The following FBXW7 variants were observed in gnomAD, a reference collection of about 807,000 sequenced individuals.
FBXW7 encodes F-box/WD repeat-containing protein 7.
A neutral mutation model predicts 86.3 loss-of-function variants in FBXW7; 11 were observed. The observed-to-expected ratio is 0.13, with a 90% CI of 0.08 to 0.21. The LOEUF (loss-of-function observed/expected upper bound fraction) is 0.21, where lower values mean the gene tolerates loss of function less well. FBXW7 is among the 10% of genes least tolerant of loss of function. The pLI, the probability that FBXW7 is intolerant of heterozygous loss-of-function variation, is 1.00. For synonymous variants in FBXW7, 313 were observed against 297.9 expected (o/e 1.05, Z -0.52); for missense variants, 488 against 847.4 (o/e 0.58, Z 5.27).
chr4:152,527,828 T>C (rs76542093), intron 2 of FBXW7, among the ~76,000 whole-genome samples: 27 of 151,254 alleles, frequency 1.8e-4, no homozygotes, highest in African/African-American at 6.3e-4. Context: ...AAGCATTGAC[T>C]AGATCAGGAA....
intron 7 of FBXW7, among the ~76,000 whole-genome samples, chr4:152,333,346 G>T (rs945445063): frequency 7.9e-5 from 12 of 151,802 alleles, no homozygotes; most frequent in African/African-American, 2.9e-4. Flanking sequence ...CTTCTTGATG[G>T]GCCACATAAG....
chr4:152,506,744 A>T (rs1747459259), intron 2 of FBXW7, among the ~76,000 whole-genome samples: 1 of 152,256 alleles, frequency 6.6e-6, no homozygotes, highest in African/African-American at 2.4e-5. Flanking sequence ...AACATGTTTC[A>T]GGATCACCGA....
chr4:152,442,298 G>A (rs1331255052), intron 2 of FBXW7, among the ~76,000 whole-genome samples: 2 of 152,088 alleles, frequency 1.3e-5, no homozygotes, highest in South Asian at 2.1e-4. Flanking sequence ...TGGAGGCAGG[G>A]GTTCTTGTAT....
intron 2 of FBXW7, among the ~76,000 whole-genome samples, chr4:152,511,811 A>G (rs1239046030): frequency 6.6e-6 from 1 of 152,162 alleles, no homozygotes; most frequent in East Asian, 1.9e-4. Context: ...AGAGAATATC[A>G]CTATATATTT....
chr4:152,461,532 CT>C (rs1742943954), intron 2 of FBXW7, among the ~76,000 whole-genome samples: 1 of 152,066 alleles, frequency 6.6e-6, no homozygotes, highest in South Asian at 2.1e-4. Context: ...TTCTTTAATC[CT>C]TTGAACATAG....
At chr4:152,426,932 T>C (rs1289253057) in intron 2 of FBXW7, among the ~76,000 whole-genome samples, 1 of 152,196 alleles carries the variant, frequency 6.6e-6, no homozygotes, top group African/African-American at 2.4e-5. Context: ...ATTTTAACAC[T>C]GTACACAATA....
chr4:152,345,125 A>G (rs1192366586), intron 6 of FBXW7, among the ~76,000 whole-genome samples: 2 of 152,020 alleles, frequency 1.3e-5, no homozygotes, highest in Non-Finnish European at 2.9e-5. Flanking sequence ...TCTTTAAATT[A>G]TTTTTTTAAG....
chr4:152,519,227 G>A (rs1748783909), intron 2 of FBXW7, among the ~76,000 whole-genome samples: 1 of 152,144 alleles, frequency 6.6e-6, no homozygotes, highest in African/African-American at 2.4e-5. Context: ...GAATCCGGGA[G>A]GCAGAGCTTG....
intron 11 of FBXW7, 88 bp from the exon 12 acceptor site, chr4:152,326,319 G>T: frequency 4.3e-4 from 309 of 717,130 alleles, no homozygotes; most frequent in Non-Finnish European, 6.1e-4. Flanking sequence ...GGTAGATTTA[G>T]TCAAGGTTTT....
intron 2 of FBXW7, among the ~76,000 whole-genome samples, chr4:152,494,524 T>A (rs1560966439): frequency 6.6e-6 from 1 of 152,150 alleles, no homozygotes; most frequent in African/African-American, 2.4e-5. Flanking sequence ...TCAGGTGGTA[T>A]AGGAATGAAA....
At chr4:152,394,562 GA>G (rs1352548660) in intron 4 of FBXW7, among the ~76,000 whole-genome samples, 1 of 152,052 alleles carries the variant, frequency 6.6e-6, no homozygotes, top group Non-Finnish European at 1.5e-5. Context: ...AAAGTCAATG[GA>G]ATTGTTTCAA....
In FBXW7 at chr4:152,418,196, G is replaced by A. The variant is rs912006145; in HGVS notation, c.-119-5667C>T. 4.0e-5 allele frequency among the ~76,000 whole-genome samples: 6 copies of A among 151,198 alleles called. No individual in the cohort carries two copies. The South Asian group carries it at 1.3e-3, about 32-fold the overall frequency. On this transcript the variant is annotated intron_variant, in intron 2 of 13. Coordinates refer to ENST00000281708, the MANE Select transcript of FBXW7 (RefSeq NM_001349798.2). ...CTTAGCAGTGGAAAACTTCTCAATA[G>A]GGTATTTGAACTGAAATGGGTCCTT...
intron 2 of FBXW7, among the ~76,000 whole-genome samples, chr4:152,480,334 T>C (rs1227981646): frequency 6.6e-6 from 1 of 152,110 alleles, no homozygotes; most frequent in Non-Finnish European, 1.5e-5. Flanking sequence ...GATGGCAAGC[T>C]TAACTGATAA....
intron 13 of FBXW7, chr4:152,323,398 C>A: frequency 3.8e-6 from 2 of 527,106 alleles, no homozygotes; most frequent in East Asian, 3.3e-5. Context: ...AGCTACCAGA[C>A]AAACATCTTA....
intron 2 of FBXW7, among the ~76,000 whole-genome samples, chr4:152,440,253 TA>T (rs1158192508): frequency 1.3e-5 from 2 of 152,194 alleles, no homozygotes; most frequent in East Asian, 3.8e-4. Context: ...TGACAACCAT[TA>T]GAATGACAAA....
chr4:152,507,502 C>CA (rs1194738733), intron 2 of FBXW7, among the ~76,000 whole-genome samples: 2 of 152,160 alleles, frequency 1.3e-5, no homozygotes, highest in Non-Finnish European at 2.9e-5. Context: ...ACAAATTAAA[C>CA]AGTCTGCTAC....
chr4:152,340,682 A>C (rs1409724112), intron 6 of FBXW7, among the ~76,000 whole-genome samples: 1 of 152,140 alleles, frequency 6.6e-6, no homozygotes, highest in East Asian at 1.9e-4. Context: ...CTATCGTTTA[A>C]AATCACATCT....
intron 4 of FBXW7, among the ~76,000 whole-genome samples, chr4:152,393,798 T>C (rs2126816944): frequency 6.6e-6 from 1 of 152,266 alleles, no homozygotes; most frequent in Middle Eastern, 3.4e-3. Context: ...AACTGCTATT[T>C]CTAAAGCAGA....
In FBXW7 at chr4:152,330,784, C is replaced by G. The variant is rs2126535034; in HGVS notation, c.1070G>C (p.Arg357Thr). Residue 357 changes from arginine to threonine, a missense_variant, in exon 9 of 14, where the codon AGA becomes ACA. By Grantham distance (71) the Arg-to-Thr change is moderately conservative. This residue lies in a region of FBXW7 where 57 missense variants were observed against 62.8 expected (regional missense o/e 0.91). Coordinates refer to ENST00000281708, the MANE Select transcript of FBXW7 (RefSeq NM_001349798.2). ...IHSPWKSAYIRQHRIDTNWRR... is the reference protein window; with the variant it reads ...IHSPWKSAYITQHRIDTNWRR... ...CCAGTTAGTATCAATTCTGTGCTGT[C>G]TGATGTATGCACTTTTCCATGGACT... 1 of 1,612,632 alleles carries G rather than the reference C, an allele frequency of 6.2e-7. No individual in the cohort carries two copies. The highest frequency in any genetic ancestry group is 8.5e-7 in the Non-Finnish European group (1 of 1,178,944).
Sources: gnomAD v4.1 joint callset for allele counts (sites outside exome capture counted in the v4.1 genomes callset) on GRCh38, gnomAD v4.1.1 for gene constraint, gnomAD v4.1.1 regional missense constraint, MANE v1.5 for transcripts, NCBI Gene and HGNC (gene_info 2026-07-23, HGNC 2026-07-21) for gene names.